Variants in TASP1 observed in about 807,000 individuals in gnomAD.
The protein encoded by TASP1 is taspase 1.
Under a neutral mutation model 56.6 loss-of-function variants are expected in TASP1, and 16 were observed. That is an observed-to-expected ratio of 0.28 (90% CI 0.19 to 0.43). TASP1 has a LOEUF of 0.43. Among genes scored for constraint, TASP1 ranks in the 20% least tolerant of loss-of-function variants. The pLI is 1.00. For missense variants in TASP1, 393 were observed against 511.6 expected (o/e 0.77, Z 2.24); for synonymous variants, 179 against 184.2 (o/e 0.97, Z 0.23).
the TASP1 span, among the ~76,000 whole-genome samples, chr20:13,380,910 G>A: frequency 6.6e-6 from 1 of 152,166 alleles, no homozygotes; most frequent in Non-Finnish European, 1.5e-5. Flanking sequence ...CCTCAGCAAT[G>A]GCGGACGCCC....
the TASP1 span, among the ~76,000 whole-genome samples, chr20:13,362,270 G>A: frequency 7.9e-5 from 12 of 151,596 alleles, no homozygotes; most frequent in African/African-American, 2.2e-4. Context: ...CCAAGCCATC[G>A]CATCCCCTGT....
rs940377440 is a variant in TASP1 at position 13,524,936 on chromosome 20, C to A, written c.874+3497G>T. On this transcript the variant is annotated intron_variant, in intron 10 of 13. Transcript: ENST00000337743. ...GATACAGAATTCAAATTAAAAATAA[C>A]TGTACACATAGAAAGGTATGGAAAT... Among the ~76,000 whole-genome samples, 7 of 152,192 alleles carry A rather than the reference C, an allele frequency of 4.6e-5. No homozygotes were observed. The East Asian group carries it at 1.3e-3, about 29-fold the overall frequency.
chr20:13,293,399 G>A, the TASP1 span, among the ~76,000 whole-genome samples: 1 of 152,146 alleles, frequency 6.6e-6, no homozygotes, highest in African/African-American at 2.4e-5. Flanking sequence ...GATTGTAGAA[G>A]GGTAAAATTC....
the TASP1 span, among the ~76,000 whole-genome samples, chr20:13,330,433 T>C: frequency 6.6e-6 from 1 of 151,582 alleles, no homozygotes; most frequent in Non-Finnish European, 1.5e-5. Flanking sequence ...TATTATGATG[T>C]GGACTTTTGC....
chr20:13,371,485 T>C, the TASP1 span, among the ~76,000 whole-genome samples: 7 of 142,728 alleles, frequency 4.9e-5, no homozygotes. Context: ...CTGTTACTTT[T>C]AATTTTATTC....
At position 13,597,893 on chromosome 20, in the gene TASP1, C is replaced by T. The variant is rs368010377; in HGVS notation, c.283-10523G>A. Reference sequence around the variant, plus strand: ...AGCATTCCTATACACCAATAACAGACAAACAGAGAGCCAAATCATGAGTGA... The same window carrying T: ...AGCATTCCTATACACCAATAACAGATAAACAGAGAGCCAAATCATGAGTGA... On this transcript the variant is annotated intron_variant, in intron 4 of 13. Transcript: ENST00000337743. Among the ~76,000 whole-genome samples the T allele has an allele frequency of 1.6e-4, 24 of 152,148 alleles. No individual in the cohort carries two copies. The East Asian group carries it at 1.9e-3, about 12-fold the overall frequency.
chr20:13,587,119 T>TA (rs1404495598), intron 5 of TASP1, 131 bp downstream of exon 5: 4 of 1,236,216 alleles, frequency 3.2e-6, no homozygotes, highest in Middle Eastern at 2.0e-4. Context: ...TTAAATTCAA[T>TA]AAAAAAAGAA....
At chr20:13,485,477 T>A (rs1190805624) in intron 10 of TASP1, among the ~76,000 whole-genome samples, 1 of 152,164 alleles carries the variant, frequency 6.6e-6, no homozygotes, top group African/African-American at 2.4e-5. Flanking sequence ...GGATGAATTT[T>A]TTTTAGAAAT....
the TASP1 span, among the ~76,000 whole-genome samples, chr20:13,234,677 G>C: frequency 6.6e-6 from 1 of 152,104 alleles, no homozygotes; most frequent in African/African-American, 2.4e-5. Context: ...TCTCATTGTG[G>C]TTTTAATTTT....
chr20:13,503,201 C>T (rs1010469692), intron 10 of TASP1, among the ~76,000 whole-genome samples: 2 of 152,048 alleles, frequency 1.3e-5, no homozygotes, highest in African/African-American at 2.4e-5. Flanking sequence ...ATGTGGGATG[C>T]CTTGCCTGTG....
intron 10 of TASP1, among the ~76,000 whole-genome samples, chr20:13,520,999 T>G (rs1307290267): frequency 4.6e-5 from 7 of 152,192 alleles, no homozygotes; most frequent in Non-Finnish European, 1.0e-4. Context: ...AAGACATTTA[T>G]GCAACCAAAA....
rs114217512 is a variant in TASP1 at position 13,430,926 on chromosome 20, G to C, written c.1096+4118C>G. ...CTGATAACTAATGTATTTGTCAAGA[G>C]GAAAGTCTACATAACGGCTTCCAGG... On this transcript the variant is annotated intron_variant, in intron 12 of 13. Transcript: ENST00000337743. Among the ~76,000 whole-genome samples the C allele has an allele frequency of 5.0e-3, 761 of 152,278 alleles. 4 individuals carry two copies. The highest frequency in any genetic ancestry group is 0.015 in the African/African-American group (619 of 41,560).
At chr20:13,393,893 G>T (rs534591505) in intron 13 of TASP1, among the ~76,000 whole-genome samples, 18 of 151,884 alleles carry the variant, frequency 1.2e-4, no homozygotes, top group African/African-American at 3.1e-4. Context: ...AAAAAGGTGT[G>T]GGGGGGAAAA....
At chr20:13,236,376 G>A in the TASP1 span, among the ~76,000 whole-genome samples, 1 of 152,120 alleles carries the variant, frequency 6.6e-6, no homozygotes. Flanking sequence ...TGATTCAATT[G>A]CCTCCACCTG....
intron 12 of TASP1, among the ~76,000 whole-genome samples, chr20:13,417,988 T>C (rs1600727982): frequency 6.6e-6 from 1 of 152,224 alleles, no homozygotes; most frequent in Non-Finnish European, 1.5e-5. Flanking sequence ...TCCCAGCTCA[T>C]TGCAGACTCT....
chr20:13,613,089 T>A (rs2048403321), intron 4 of TASP1, among the ~76,000 whole-genome samples: 1 of 152,188 alleles, frequency 6.6e-6, no homozygotes, highest in Non-Finnish European at 1.5e-5. Context: ...AATTTAACTG[T>A]GTTAACCTTG....
the TASP1 span, among the ~76,000 whole-genome samples, chr20:13,265,076 A>G: frequency 5.4e-4 from 83 of 152,294 alleles, no homozygotes; most frequent in Admixed American, 2.7e-3. Flanking sequence ...TAACTCTGTT[A>G]TTTCATATGA....
At chr20:13,127,498 A>C in the TASP1 span, among the ~76,000 whole-genome samples, 1 of 152,218 alleles carries the variant, frequency 6.6e-6, no homozygotes, top group Non-Finnish European at 1.5e-5. Context: ...TACATTGTTT[A>C]ATGCAATGCT....
At chr20:13,434,071 T>G (rs1004339469) in intron 12 of TASP1, among the ~76,000 whole-genome samples, 1 of 152,090 alleles carries the variant, frequency 6.6e-6, no homozygotes, top group African/African-American at 2.4e-5. Flanking sequence ...AAAGTGAGCA[T>G]ACTGTTTAAC....
Sources: gnomAD v4.1 joint callset for allele counts (sites outside exome capture counted in the v4.1 genomes callset) on GRCh38, gnomAD v4.1.1 for gene constraint, MANE v1.5 for transcripts, NCBI Gene and HGNC (gene_info 2026-07-23, HGNC 2026-07-21) for gene names.